The following ULK4 variants were observed in gnomAD, a reference collection of about 807,000 sequenced individuals.
ULK4 encodes the protein inactive serine/threonine-protein kinase ULK4.
A neutral mutation model predicts 160.6 loss-of-function variants in ULK4; 133 were observed. The ratio of observed to expected loss-of-function variants is 0.83; its 90% CI spans 0.72 to 0.96. ULK4 has a LOEUF of 0.96. ULK4 is among the 40% of genes least tolerant of loss of function. The probability of loss-of-function intolerance (pLI) is 0.00; values close to 1 mark genes in which losing one functional copy is unlikely to be tolerated. For synonymous variants in ULK4, 534 were observed against 539.8 expected (o/e 0.99, Z 0.15); for missense variants, 1,580 against 1,499.5 (o/e 1.05, Z -0.89).
At chr3:41,791,965 A>G (rs2040164334) in intron 20 of ULK4, among the ~76,000 whole-genome samples, 1 of 152,212 alleles carries the variant, frequency 6.6e-6, no homozygotes, top group Non-Finnish European at 1.5e-5. Flanking sequence ...GGAGATATCC[A>G]TATCAGAATG....
intron 30 of ULK4, among the ~76,000 whole-genome samples, chr3:41,634,634 T>C (rs76765024): frequency 0.063 from 9,556 of 152,290 alleles, 451 homozygotes; most frequent in African/African-American, 0.13. Context: ...CCCATTCTGC[T>C]GTGCAGGAGA....
intron 17 of ULK4, chr3:41,854,876 C>CTTG (rs1462177676): frequency 8.0e-5 from 12 of 149,092 alleles, no homozygotes; most frequent in African/African-American, 2.7e-4. Flanking sequence ...TTACCTAGAT[C>CTTG]AGGTGCTACC....
At chr3:41,687,375 A>G (rs2036137802) in intron 27 of ULK4, among the ~76,000 whole-genome samples, 1 of 140,266 alleles carries the variant, frequency 7.1e-6, no homozygotes, top group African/African-American at 2.9e-5. Context: ...CCATCTCAAG[A>G]AAAAAAAAAA....
intron 35 of ULK4, among the ~76,000 whole-genome samples, chr3:41,337,141 C>T (rs904875286): frequency 4.6e-5 from 7 of 152,100 alleles, no homozygotes; most frequent in Non-Finnish European, 8.8e-5. Flanking sequence ...AGATCCAGGT[C>T]TTATGATTTA....
In ULK4 at chr3:41,746,031, CA is replaced by C. The variant is rs1485889431; in HGVS notation, c.2321+8329del. On this transcript the variant is annotated intron_variant, in intron 22 of 36. Transcript: ENST00000301831. ...TTCCTCCACTGATAAAGAATATCTA[CA>C]AAAAATCTAGAGTTAACACCATACT... is the stretch of plus-strand genomic sequence containing the variant. Among the ~76,000 whole-genome samples, 76 of 150,414 alleles carry C rather than the reference CA, an allele frequency of 5.1e-4. 1 individual carries two copies. The highest frequency in any genetic ancestry group is 1.8e-3 in the African/African-American group (73 of 40,818).
At chr3:41,303,373 A>G (rs949490453) in intron 35 of ULK4, among the ~76,000 whole-genome samples, 10 of 152,224 alleles carry the variant, frequency 6.6e-5, no homozygotes, top group Non-Finnish European at 1.3e-4. Flanking sequence ...TAGAGTATTA[A>G]TTCCACTTCC....
At chr3:41,501,715 T>C (rs769286074) in intron 32 of ULK4, among the ~76,000 whole-genome samples, 2 of 152,182 alleles carry the variant, frequency 1.3e-5, no homozygotes, top group Non-Finnish European at 2.9e-5. Context: ...CAATGCATTA[T>C]TGTTAACTAT....
intron 32 of ULK4, among the ~76,000 whole-genome samples, chr3:41,534,594 A>G (rs1369018156): frequency 6.6e-6 from 1 of 151,712 alleles, no homozygotes; most frequent in African/African-American, 2.4e-5. Flanking sequence ...GTATTTCTGT[A>G]GTTTGTGGCA....
intron 30 of ULK4, among the ~76,000 whole-genome samples, chr3:41,645,375 A>G (rs1173244509): frequency 6.6e-6 from 1 of 151,656 alleles, no homozygotes; most frequent in African/African-American, 2.4e-5. Flanking sequence ...TGTGTCCCAG[A>G]GATTCTGGTA....
chr3:41,557,078 A>T (rs1397167230), intron 32 of ULK4, among the ~76,000 whole-genome samples: 1 of 152,180 alleles, frequency 6.6e-6, no homozygotes, highest in Non-Finnish European at 1.5e-5. Flanking sequence ...AATATTAGGT[A>T]ACCAATTAAA....
At chr3:41,398,587 C>T (rs1647532963) in intron 34 of ULK4, among the ~76,000 whole-genome samples, 1 of 149,588 alleles carries the variant, frequency 6.7e-6, no homozygotes, top group Non-Finnish European at 1.5e-5. Context: ...AGACGTGGTC[C>T]CCCTATGTTG....
intron 21 of ULK4, among the ~76,000 whole-genome samples, chr3:41,775,068 T>C (rs1189355119): frequency 1.9e-5 from 2 of 103,690 alleles, no homozygotes; most frequent in Non-Finnish European, 3.6e-5. Flanking sequence ...ACCAGGGACG[T>C]TGTGAGGTGG....
At chr3:41,565,913 TTA>T in intron 32 of ULK4, 110 bp downstream of exon 32, 2 of 698,922 alleles carry the variant, frequency 2.9e-6, no homozygotes, top group Non-Finnish European at 4.6e-6. Context: ...TTGAAAATTC[TTA>T]TCTATTTTGA....
chr3:41,343,014 G>A (rs1022775211), intron 35 of ULK4, among the ~76,000 whole-genome samples: 4 of 151,944 alleles, frequency 2.6e-5, no homozygotes, highest in Non-Finnish European at 5.9e-5. Context: ...AGTATTGAAG[G>A]AACATACCTC....
In ULK4 at chr3:41,792,422, A is replaced by T. The variant is rs192548613; in HGVS notation, c.2011-2579T>A. Among the ~76,000 whole-genome samples the T allele has an allele frequency of 5.9e-5, 9 of 152,282 alleles. No individual in the cohort carries two copies. In the East Asian group the frequency reaches 1.7e-3, roughly 29 times the overall value. On this transcript the variant is annotated intron_variant, in intron 20 of 36. Coordinates refer to ENST00000301831, the MANE Select transcript of ULK4 (RefSeq NM_017886.4). ...AATCCAAGTATTTTTTTTAAAAAAA[A>T]GATCATTTGAAGTGATGTCCTTAAA... is the stretch of plus-strand genomic sequence containing the variant.
At chr3:41,517,230 C>A (rs2085780381) in intron 32 of ULK4, among the ~76,000 whole-genome samples, 1 of 152,026 alleles carries the variant, frequency 6.6e-6, no homozygotes, top group South Asian at 2.1e-4. Flanking sequence ...CAAATGCTGG[C>A]AAAAATGTGC....
intron 22 of ULK4, among the ~76,000 whole-genome samples, chr3:41,726,527 C>T (rs1488541845): frequency 6.6e-6 from 1 of 152,214 alleles, no homozygotes; most frequent in Non-Finnish European, 1.5e-5. Flanking sequence ...CAGTGTTCTA[C>T]AAGGGTATAT....
At chr3:41,662,762 C>CT (rs1185028237) in intron 30 of ULK4, among the ~76,000 whole-genome samples, 1 of 152,094 alleles carries the variant, frequency 6.6e-6, no homozygotes, top group African/African-American at 2.4e-5. Flanking sequence ...AAAAGAACCT[C>CT]TTTCTTTCTC....
intron 32 of ULK4, among the ~76,000 whole-genome samples, chr3:41,525,404 G>A (rs550268706): frequency 6.6e-5 from 10 of 152,220 alleles, no homozygotes; most frequent in African/African-American, 2.4e-4. Context: ...CTTCCTGATC[G>A]GCTCCCCATC....
Sources: gnomAD v4.1 joint callset for allele counts (sites outside exome capture counted in the v4.1 genomes callset) on GRCh38, gnomAD v4.1.1 for gene constraint, MANE v1.5 for transcripts, NCBI Gene and HGNC (gene_info 2026-07-23, HGNC 2026-07-21) for gene names.